The following ABAT variants were observed in gnomAD, a reference collection of about 807,000 sequenced individuals.
ABAT encodes the protein 4-aminobutyrate aminotransferase, also known as 4-aminobutyrate aminotransferase, mitochondrial.
In ABAT, 45 loss-of-function variants were observed where a neutral mutation model predicts 64.6. The ratio of observed to expected loss-of-function variants is 0.70; its 90% CI spans 0.55 to 0.89. ABAT has a LOEUF of 0.89. Among genes scored for constraint, ABAT ranks in the 40% least tolerant of loss-of-function variants. ABAT has a pLI of 0.00. For synonymous variants in ABAT, 297 were observed against 250.5 expected (o/e 1.19, Z -1.75); for missense variants, 633 against 658.4 (o/e 0.96, Z 0.42).
intron 1 of ABAT, among the ~76,000 whole-genome samples, chr16:8,700,755 C>T (rs145899830): frequency 2.0e-5 from 3 of 152,108 alleles, no homozygotes; most frequent in Non-Finnish European, 4.4e-5. Flanking sequence ...ACCACTACAC[C>T]TGGCGCATTT....
chr16:8,782,746 T>C lies in ABAT; in HGVS notation c.*1316T>C, dbSNP rs886795437. ...CGAATGCTCCTAAAAGAGAACTTGA[T>C]AGCCTGACAGCAGAGAAGTATTATT... On this transcript the variant is annotated 3_prime_UTR_variant, in exon 16 of 16. Transcript: ENST00000268251. 1 of 152,376 alleles carries C rather than the reference T, an allele frequency of 6.6e-6. No homozygotes were observed. Among genetic ancestry groups the C allele is most frequent in the Admixed American group, 6.5e-5 (1 of 15,304 alleles). 9.4% of individuals were successfully genotyped at this position (152,376 alleles called of 1,614,324 possible).
At chr16:8,758,602 T>G (rs537423081) in intron 6 of ABAT, among the ~76,000 whole-genome samples, 60 of 152,148 alleles carry the variant, frequency 3.9e-4, no homozygotes, top group Middle Eastern at 3.4e-3. Flanking sequence ...GGCTGTCCTG[T>G]GCATTGAGAC....
intron 1 of ABAT, among the ~76,000 whole-genome samples, chr16:8,724,739 AAAAAAAC>A (rs1459053227): frequency 0.18 from 1,073 of 6,044 alleles, 99 homozygotes; most frequent in Middle Eastern, 1. Flanking sequence ...AGGAAAAAAA[AAAAAAAC>A]AAAAAAAAAA....
At chr16:8,699,245 C>T (rs968892200) in intron 1 of ABAT, among the ~76,000 whole-genome samples, 2 of 152,184 alleles carry the variant, frequency 1.3e-5, no homozygotes, top group African/African-American at 4.8e-5. Context: ...AGGGGAGATG[C>T]TGTTGCGGCC....
At chr16:8,711,829 A>AT in intron 1 of ABAT, among the ~76,000 whole-genome samples, 1 of 82,578 alleles carries the variant, frequency 1.2e-5, no homozygotes, top group Admixed American at 1.3e-4. Context: ...GATGGATGGA[A>AT]AAATGGATGG....
chr16:8,692,244 T>C (rs1169042367), intron 1 of ABAT, among the ~76,000 whole-genome samples: 1 of 152,100 alleles, frequency 6.6e-6, no homozygotes, highest in African/African-American at 2.4e-5. Flanking sequence ...AGCCAGGCAC[T>C]GTGGTTCATG....
At chr16:8,737,906 C>A (rs2058998668) in intron 2 of ABAT, among the ~76,000 whole-genome samples, 1 of 104,444 alleles carries the variant, frequency 9.6e-6, no homozygotes, top group African/African-American at 3.8e-5. Context: ...TCAGCCTGGG[C>A]AACAGACTGA....
chr16:8,707,245 G>T (rs2057967086), intron 1 of ABAT, among the ~76,000 whole-genome samples: 1 of 151,952 alleles, frequency 6.6e-6, no homozygotes, highest in African/African-American at 2.4e-5. Context: ...TGAGTACAGT[G>T]GTGCAATCAT....
intron 1 of ABAT, among the ~76,000 whole-genome samples, chr16:8,704,420 C>G (rs1331013246): frequency 2.6e-5 from 4 of 152,134 alleles, no homozygotes; most frequent in Admixed American, 2.6e-4. Context: ...TATCTCTGTG[C>G]CTATTATTTG....
chr16:8,677,294 C>A (rs759866059), intron 1 of ABAT, among the ~76,000 whole-genome samples: 67 of 152,324 alleles, frequency 4.4e-4, no homozygotes, highest in Admixed American at 1.3e-3. Context: ...AAACTTGTAA[C>A]CCTTGCCGTA....
intron 11 of ABAT, among the ~76,000 whole-genome samples, chr16:8,769,743 C>G (rs1374897491): frequency 6.6e-6 from 1 of 152,124 alleles, no homozygotes; most frequent in African/African-American, 2.4e-5. Flanking sequence ...ACCCCCCTAC[C>G]CCCCGTTTCC....
chr16:8,764,173 A>G lies in ABAT; in HGVS notation c.447+24A>G, dbSNP rs201521805. The G allele has an allele frequency of 3.6e-5, 57 of 1,599,496 alleles. No homozygotes were observed. The Admixed American group carries it at 3.7e-4, about 10-fold the overall frequency. On this transcript the variant is annotated intron_variant, in intron 7 of 15. Transcript: ENST00000268251. The surrounding 1 kb of genome is among the most constrained non-coding windows in gnomAD (Gnocchi z 4.2). Reference sequence around the variant, plus strand: ...CGGTGAGTTCTGGAGAAGCAATCCCATTGTCTTCAGACGTGGTACTGGCAG... The same window carrying G: ...CGGTGAGTTCTGGAGAAGCAATCCCGTTGTCTTCAGACGTGGTACTGGCAG...
chr16:8,704,869 A>C (rs1286240713), intron 1 of ABAT, among the ~76,000 whole-genome samples: 2 of 152,086 alleles, frequency 1.3e-5, no homozygotes, highest in African/African-American at 4.8e-5. Flanking sequence ...ATTTTTGTAC[A>C]AATGGGGGGT....
chr16:8,739,330 C>T (rs552944547), intron 2 of ABAT, among the ~76,000 whole-genome samples: 71 of 152,294 alleles, frequency 4.7e-4, no homozygotes, highest in African/African-American at 8.4e-4. Context: ...TGAGCCTAAC[C>T]GATATACCTT....
At chr16:8,735,580 A>G (rs1208080245) in intron 1 of ABAT, 119 bp from the exon 2 acceptor site, 2 of 882,644 alleles carry the variant, frequency 2.3e-6, no homozygotes, top group Admixed American at 4.0e-5. Flanking sequence ...ATAAAACCCA[A>G]GCATTTGACA....
chr16:8,757,498 A>G (rs2059681859), intron 5 of ABAT, among the ~76,000 whole-genome samples: 1 of 152,182 alleles, frequency 6.6e-6, no homozygotes, highest in African/African-American at 2.4e-5. Flanking sequence ...TATGTAGTCC[A>G]GTAGGTCTCA....
chr16:8,694,382 T>A (rs2057655839), intron 1 of ABAT, among the ~76,000 whole-genome samples: 1 of 151,422 alleles, frequency 6.6e-6, no homozygotes, highest in African/African-American at 2.4e-5. Context: ...TGCACGTTTT[T>A]TGTTTGTTTG....
chr16:8,780,105 AG>A (rs1417131082), intron 15 of ABAT, among the ~76,000 whole-genome samples: 1 of 151,932 alleles, frequency 6.6e-6, no homozygotes, highest in Non-Finnish European at 1.5e-5. Context: ...TTCTGGGCGG[AG>A]GGAAGGGTGC....
Position 8,757,811 on chromosome 16 carries a change from G to T in ABAT, c.366+5G>T. The T allele has an allele frequency of 6.2e-7, 1 of 1,613,960 alleles. No homozygotes were observed. Reference sequence around the variant, plus strand: ...ATCCAACAGCCTCAAAATGCGGTAGGTCTTGGGGTTACACAGAAGAAAGAC... The same window carrying T: ...ATCCAACAGCCTCAAAATGCGGTAGTTCTTGGGGTTACACAGAAGAAAGAC... On this transcript the variant is annotated splice_donor_5th_base_variant and intron_variant, in intron 6 of 15. Coordinates refer to ENST00000268251, the MANE Select transcript of ABAT (RefSeq NM_020686.6).
Sources: gnomAD v4.1 joint callset for allele counts (sites outside exome capture counted in the v4.1 genomes callset) on GRCh38, gnomAD v4.1.1 for gene constraint, Gnocchi (gnomAD v3.1) non-coding constraint, MANE v1.5 for transcripts, NCBI Gene and HGNC (gene_info 2026-07-23, HGNC 2026-07-21) for gene names.